Variants in TNIK observed in about 807,000 individuals in gnomAD.
TNIK encodes the protein TRAF2 and NCK-interacting protein kinase.
A neutral mutation model predicts 191.3 loss-of-function variants in TNIK; 49 were observed. That is an observed-to-expected ratio of 0.26 (90% CI 0.20 to 0.32). TNIK has a LOEUF of 0.32. TNIK is among the 10% of genes least tolerant of loss of function. The pLI is 1.00. For missense variants in TNIK, 1,155 were observed against 1,702.3 expected, an observed-to-expected ratio of 0.68 and a Z score of 5.66; for synonymous variants, 594 against 600.9, an observed-to-expected ratio of 0.99 and a Z score of 0.17.
At chr3:171,164,128 C>T (rs57419793) in intron 10 of TNIK, among the ~76,000 whole-genome samples, 7,252 of 152,284 alleles carry the variant, frequency 0.048, 551 homozygotes, top group African/African-American at 0.17. Flanking sequence ...GGCTTAGATT[C>T]CTTAAATTAC....
chr3:171,169,431 A>G (rs1413978670), intron 9 of TNIK, among the ~76,000 whole-genome samples: 2 of 151,882 alleles, frequency 1.3e-5, no homozygotes, highest in East Asian at 1.9e-4. Flanking sequence ...CCACACCTGG[A>G]TAATTTTTGT....
At chr3:171,145,424 G>T (rs1456759188) in intron 12 of TNIK, among the ~76,000 whole-genome samples, 1 of 152,030 alleles carries the variant, frequency 6.6e-6, no homozygotes, top group Non-Finnish European at 1.5e-5. Flanking sequence ...CCTTCCTCTG[G>T]CTATACACCC....
chr3:171,153,761 A>G (rs2108692255), intron 12 of TNIK, among the ~76,000 whole-genome samples: 1 of 152,296 alleles, frequency 6.6e-6, no homozygotes, highest in Non-Finnish European at 1.5e-5. Flanking sequence ...TGACTGTGCC[A>G]TGGCTTCCCT....
chr3:171,285,954 T>A (rs1750962367), intron 2 of TNIK, among the ~76,000 whole-genome samples: 1 of 147,802 alleles, frequency 6.8e-6, no homozygotes, highest in Admixed American at 6.8e-5. Context: ...ATTTGATCAT[T>A]TGATGGTTTG....
intron 7 of TNIK, among the ~76,000 whole-genome samples, chr3:171,179,354 C>T (rs192855242): frequency 7.9e-5 from 12 of 152,294 alleles, no homozygotes; most frequent in East Asian, 5.8e-4. Context: ...AGGTTATTTC[C>T]GGAGCTGATG....
At chr3:171,321,709 C>T (rs1314130634) in intron 2 of TNIK, among the ~76,000 whole-genome samples, 1 of 152,130 alleles carries the variant, frequency 6.6e-6, no homozygotes, top group Non-Finnish European at 1.5e-5. Flanking sequence ...TTCAGATTAC[C>T]AGATTAACAC....
At chr3:171,307,966 G>C (rs542253167) in intron 2 of TNIK, among the ~76,000 whole-genome samples, 1 of 152,150 alleles carries the variant, frequency 6.6e-6, no homozygotes, top group East Asian at 1.9e-4. Context: ...ATCTATCACT[G>C]GAAGAATCGA....
At chr3:171,411,559 C>T (rs77148087) in intron 1 of TNIK, among the ~76,000 whole-genome samples, 6 of 151,732 alleles carry the variant, frequency 4.0e-5, no homozygotes, top group Non-Finnish European at 7.4e-5. Flanking sequence ...TTTTGGTCAC[C>T]GAAAGACTTC....
intron 18 of TNIK, among the ~76,000 whole-genome samples, chr3:171,120,179 T>C (rs1043737130): frequency 2.0e-5 from 3 of 152,176 alleles, no homozygotes. Flanking sequence ...GTGTCCCAAA[T>C]GATCAAAAAA....
rs562886941 is a variant in TNIK at position 171,265,380 on chromosome 3, A to C, written c.124-37159T>G. ...TAAAGATGTGTGGATGCTCATTTTCAAAACCTACACTGACTTCTTTTTAGA... is the reference window on the plus strand; with the variant it reads ...TAAAGATGTGTGGATGCTCATTTTCCAAACCTACACTGACTTCTTTTTAGA... On this transcript the variant is annotated intron_variant, in intron 2 of 32. Coordinates refer to ENST00000436636, the MANE Select transcript of TNIK (RefSeq NM_015028.4). 2.6e-5 allele frequency among the ~76,000 whole-genome samples: 4 copies of C among 152,352 alleles called. No homozygotes were observed. The South Asian group carries it at 8.3e-4, about 32-fold the overall frequency.
intron 11 of TNIK, among the ~76,000 whole-genome samples, chr3:171,157,947 C>A (rs1733444292): frequency 6.6e-6 from 1 of 152,218 alleles, no homozygotes; most frequent in African/African-American, 2.4e-5. Context: ...ACTGTCCACA[C>A]CACTCCCTCA....
intron 1 of TNIK, among the ~76,000 whole-genome samples, chr3:171,441,426 G>T (rs1252010524): frequency 3.3e-5 from 5 of 152,134 alleles, no homozygotes; most frequent in African/African-American, 1.2e-4. Context: ...ATTGTGTCTG[G>T]CTTCTTTCAC....
At chr3:171,393,867 A>G (rs1719883562) in intron 1 of TNIK, among the ~76,000 whole-genome samples, 1 of 152,224 alleles carries the variant, frequency 6.6e-6, no homozygotes, top group African/African-American at 2.4e-5. Context: ...TTTGACCGAT[A>G]TTTATTAAGT....
chr3:171,158,168 C>T (rs912114639), intron 11 of TNIK, among the ~76,000 whole-genome samples: 10 of 152,206 alleles, frequency 6.6e-5, no homozygotes, highest in African/African-American at 2.2e-4. Flanking sequence ...GATGAACTAG[C>T]GATGGAAAAC....
chr3:171,256,912 TA>T (rs1010601950), intron 2 of TNIK, among the ~76,000 whole-genome samples: 9 of 152,170 alleles, frequency 5.9e-5, no homozygotes, highest in Non-Finnish European at 1.3e-4. Flanking sequence ...CAGTTTGGTA[TA>T]AAAACATCAG....
In TNIK at chr3:171,125,938, G is replaced by A. The variant is rs1463704297; in HGVS notation, c.1987C>T (p.Arg663Ter). ...TTTGGTGGAATGTCTTCTTCCTGTC[G>A]TAACCAAGAGCTTCGGTCAAACTTT... is the stretch of plus-strand genomic sequence containing the variant. ...IEKFDRSSWL[R>*]QEEDIPPKVP... The change falls in exon 17 of 33, where the codon CGA (arginine) becomes TGA (stop). Residue 663 changes from arginine to a stop codon, truncating the protein, a stop_gained. Transcript: ENST00000436636. LOFTEE classifies it high-confidence loss of function. 1.9e-6 allele frequency: 3 copies of A among 1,613,896 alleles called. No individual in the cohort carries two copies. Among genetic ancestry groups the A allele is most frequent in the Non-Finnish European group, 2.5e-6 (3 of 1,179,864 alleles).
chr3:171,356,299 A>C (rs1002797652), intron 2 of TNIK, among the ~76,000 whole-genome samples: 1 of 152,138 alleles, frequency 6.6e-6, no homozygotes, highest in Non-Finnish European at 1.5e-5. Context: ...ATCAACACAG[A>C]TGTATTTTAT....
At chr3:171,332,057 T>G (rs375342262) in intron 2 of TNIK, among the ~76,000 whole-genome samples, 73 of 152,296 alleles carry the variant, frequency 4.8e-4, no homozygotes, top group African/African-American at 1.7e-3. Flanking sequence ...AAAAGCAATA[T>G]TTGTTTTTAC....
chr3:171,237,030 C>A (rs565657503), intron 2 of TNIK, among the ~76,000 whole-genome samples: 1 of 152,302 alleles, frequency 6.6e-6, no homozygotes, highest in East Asian at 1.9e-4. Flanking sequence ...CACCCACAGT[C>A]CTGTCTCATT....
Sources: gnomAD v4.1 joint callset for allele counts (sites outside exome capture counted in the v4.1 genomes callset) on GRCh38, gnomAD v4.1.1 for gene constraint, MANE v1.5 for transcripts, NCBI Gene and HGNC (gene_info 2026-07-23, HGNC 2026-07-21) for gene names.